The following POLR3B variants were observed in gnomAD, a reference collection of about 807,000 sequenced individuals.
The protein encoded by POLR3B is DNA-directed RNA polymerase III subunit RPC2.
A neutral mutation model predicts 147.4 loss-of-function variants in POLR3B; 96 were observed. That is an observed-to-expected ratio of 0.65 (90% CI 0.55 to 0.77). The LOEUF is 0.77. POLR3B is among the 30% of genes least tolerant of loss of function. The pLI, the probability that POLR3B is intolerant of heterozygous loss-of-function variation, is 0.00. For synonymous variants in POLR3B, 461 were observed against 485.9 expected (o/e 0.95, Z 0.67); for missense variants, 1,036 against 1,413.5 (o/e 0.73, Z 4.28).
chr12:106,358,603 C>T (rs562949004), intron 1 of POLR3B, among the ~76,000 whole-genome samples: 1 of 151,376 alleles, frequency 6.6e-6, no homozygotes, highest in East Asian at 1.9e-4. Context: ...TGTAATCTCT[C>T]TGAGCCTCAA....
chr12:106,465,056 T>A (rs962030516), intron 23 of POLR3B, among the ~76,000 whole-genome samples: 4 of 152,236 alleles, frequency 2.6e-5, no homozygotes, highest in Admixed American at 6.5e-5. Flanking sequence ...TGAGTGTTTT[T>A]AAAAGTATCT....
At chr12:106,404,441 T>TA (rs2037122759) in intron 10 of POLR3B, among the ~76,000 whole-genome samples, 1 of 152,166 alleles carries the variant, frequency 6.6e-6, no homozygotes, top group African/African-American at 2.4e-5. Context: ...CTGGTGTTGT[T>TA]AGTCTTTTTA....
intron 14 of POLR3B, among the ~76,000 whole-genome samples, chr12:106,431,525 G>T (rs959675414): frequency 1.3e-5 from 2 of 151,994 alleles, no homozygotes; most frequent in Admixed American, 6.6e-5. Context: ...GAACTGTACC[G>T]GGTTGCATAG....
intron 26 of POLR3B, among the ~76,000 whole-genome samples, chr12:106,503,397 G>A (rs908674642): frequency 6.6e-6 from 1 of 152,160 alleles, no homozygotes; most frequent in Admixed American, 6.5e-5. Context: ...GGTCACCCCT[G>A]CTCAAAGATT....
chr12:106,383,776 G>A (rs979478664), intron 9 of POLR3B, among the ~76,000 whole-genome samples: 34 of 152,116 alleles, frequency 2.2e-4, no homozygotes, highest in African/African-American at 8.2e-4. Flanking sequence ...TCAGGAGTTC[G>A]AGACCAGCCT....
chr12:106,434,969 C>G (rs2037558412), intron 16 of POLR3B, among the ~76,000 whole-genome samples: 1 of 152,116 alleles, frequency 6.6e-6, no homozygotes, highest in South Asian at 2.1e-4. Context: ...TAAAATAAAT[C>G]AAGGGAGGGA....
intron 19 of POLR3B, among the ~76,000 whole-genome samples, chr12:106,451,359 G>A (rs2137024376): frequency 6.6e-6 from 1 of 152,168 alleles, no homozygotes; most frequent in East Asian, 1.9e-4. Context: ...CAGGTACTGT[G>A]GTTCATGCCT....
chr12:106,438,468 CAT>C (rs71072677), intron 18 of POLR3B, among the ~76,000 whole-genome samples: 135 of 150,574 alleles, frequency 9.0e-4, no homozygotes, highest in African/African-American at 2.8e-3. Flanking sequence ...GATAGATAAC[CAT>C]ATATATATAT....
chr12:106,373,230 A>T (rs550003430), intron 6 of POLR3B, among the ~76,000 whole-genome samples: 74 of 152,182 alleles, frequency 4.9e-4, no homozygotes, highest in Middle Eastern at 3.4e-3. Context: ...CATTTTCCTT[A>T]TGGTTTTGTG....
In POLR3B at chr12:106,415,164, A is replaced by C. The variant is rs141615974; in HGVS notation, c.1101+4204A>C. Among the ~76,000 whole-genome samples, 252 of 152,308 alleles carry C rather than the reference A, an allele frequency of 1.7e-3. 1 individual carries two copies. Among genetic ancestry groups the C allele is most frequent in the African/African-American group, 5.8e-3 (243 of 41,572 alleles). ...CCTCCTAACAAGTGTCTCTGTTCTT[A>C]GCTTCACCCCAACTCCATTCATCTT... On this transcript the variant is annotated intron_variant, in intron 12 of 27. Coordinates refer to ENST00000228347, the MANE Select transcript of POLR3B (RefSeq NM_018082.6).
rs756536922 is a variant in POLR3B, at chr12:106,444,506, G to A, written c.1999G>A (p.Val667Met). 1.2e-5 allele frequency: 19 copies of A among 1,613,662 alleles called. No individual in the cohort carries two copies. The highest frequency in any genetic ancestry group is 4.0e-5 in the African/African-American group (3 of 74,810). The stretch of plus-strand genomic sequence containing the variant: ...GATTGAACCCTTCACTCTTCTCGGC[G>A]TGTGTGCTGGACTTATCCCATACCC... ...LEIEPFTLLG[V>M]CAGLIPYPHH... is the part of the protein sequence containing the mutation. Residue 667 changes from valine to methionine, a missense_variant, in exon 19 of 28, where the codon GTG (valine) becomes ATG (methionine). Val to Met is a conservative substitution (Grantham distance 21). Coordinates refer to ENST00000228347, the MANE Select transcript of POLR3B (RefSeq NM_018082.6).
At chr12:106,379,970 G>T (rs985299938) in intron 8 of POLR3B, 61 bp from the exon 9 acceptor site, 4 of 893,342 alleles carry the variant, frequency 4.5e-6, no homozygotes, top group African/African-American at 3.3e-5. Context: ...TGCTATTATT[G>T]CATGTTACTA....
At chr12:106,384,291 CAGTGAACAG>C (rs2036804776) in intron 9 of POLR3B, among the ~76,000 whole-genome samples, 1 of 152,186 alleles carries the variant, frequency 6.6e-6, no homozygotes, top group African/African-American at 2.4e-5. Context: ...TATACACATT[CAGTGAACAG>C]TTAAATTGTC....
Position 106,427,325 on chromosome 12 carries a change from G to C in POLR3B, c.1230G>C (p.Gln410His), listed in dbSNP as rs375986407. The C allele has an allele frequency of 3.3e-5, 54 of 1,613,566 alleles. No homozygotes were observed. The highest frequency in any genetic ancestry group is 4.4e-5 in the Non-Finnish European group (52 of 1,179,810). The change falls in exon 13 of 28, where the codon CAG (glutamine) becomes CAC (histidine). Residue 410 changes from glutamine to histidine, a missense_variant. Transcript: ENST00000228347. Reference protein sequence around the residue: ...FDVVKHMRQDQITNGMVNAIS... With the variant: ...FDVVKHMRQDHITNGMVNAIS... The stretch of plus-strand genomic sequence containing the variant: ...TTGTCAAACACATGCGCCAAGACCA[G>C]ATCACCAATGGCATGGTGAATGCTA...
chr12:106,378,447 A>G (rs1263522010), intron 8 of POLR3B, 63 bp downstream of exon 8: 8 of 970,432 alleles, frequency 8.2e-6, no homozygotes, highest in Admixed American at 1.8e-5. Flanking sequence ...CTAAATGGCT[A>G]TGTTTCAATA....
At chr12:106,437,619 T>C (rs1358928439) in intron 17 of POLR3B, 62 bp from the exon 18 acceptor site, 2 of 898,266 alleles carry the variant, frequency 2.2e-6, no homozygotes, top group East Asian at 2.5e-5. Context: ...TCTCCTGTTA[T>C]TATATAAAAT....
intron 12 of POLR3B, among the ~76,000 whole-genome samples, chr12:106,413,436 C>T (rs1168979025): frequency 6.6e-6 from 1 of 152,060 alleles, no homozygotes; most frequent in East Asian, 1.9e-4. Context: ...CCTTCTGCCT[C>T]AGGTTCCCTG....
At position 106,509,896 on chromosome 12, in the gene POLR3B, A is replaced by G. The variant is rs2288266; in HGVS notation, c.*347A>G. ...TCCTTCAAGCAAATGTTTGGGGTCA[A>G]ATTTACCATATCTTCTGGCTAACCA... is the stretch of plus-strand genomic sequence containing the variant. On this transcript the variant is annotated 3_prime_UTR_variant, in exon 28 of 28. Transcript: ENST00000228347. 60,470 of 222,736 alleles carry G rather than the reference A, an allele frequency of 0.27. 10,355 individuals carry two copies. Among genetic ancestry groups the G allele is most frequent in the East Asian group, 0.68 (6,347 of 9,334 alleles). The allele number at this position is 222,736 out of a possible 1,614,324, so 13.8% of individuals were successfully genotyped here. A position where few individuals can be genotyped will look rare whatever the true frequency, so the allele number is the denominator to read the frequency against.
chr12:106,357,951 G>A lies in POLR3B; in HGVS notation c.72G>A (p.Glu24=). The change falls in exon 1 of 28, where the codon GAG becomes GAA. Residue 24 remains glutamate, a splice_region_variant and synonymous_variant. Transcript: ENST00000228347. ...TGGCGGCGCCGATCCCGACTGTAGA[G>A]GTCAGTGCCAGGCACGCAGGGAGCG... ...EQLAAPIPTV[E]EKWRLLPAFL... The A allele has an allele frequency of 6.2e-7, 1 of 1,612,680 alleles. No homozygotes were observed.
Sources: allele counts gnomAD v4.1 joint callset (sites outside exome capture counted in the v4.1 genomes callset), GRCh38; gene constraint gnomAD v4.1.1; transcripts MANE v1.5; gene names NCBI Gene and HGNC (gene_info 2026-07-23, HGNC 2026-07-21).